Variants in LTBP1 observed in about 807,000 individuals in gnomAD.
The protein encoded by LTBP1 is latent-transforming growth factor beta-binding protein 1.
Under a neutral mutation model 207.6 loss-of-function variants are expected in LTBP1, and 129 were observed. That is an observed-to-expected ratio of 0.62 (90% CI 0.54 to 0.72). The LOEUF is 0.72. Ranked by LOEUF, LTBP1 falls within the 30% of genes least tolerant of loss-of-function variation. The pLI, the probability that LTBP1 is intolerant of heterozygous loss-of-function variation, is 0.00. For synonymous variants in LTBP1, 963 were observed against 833.7 expected (o/e 1.16, Z -2.67); for missense variants, 2,281 against 2,217.2 (o/e 1.03, Z -0.58).
chr2:33,365,302 G>A (rs769074269), intron 30 of LTBP1, 31 bp from the exon 31 acceptor site: 69 of 1,604,916 alleles, frequency 4.3e-5, no homozygotes, highest in Non-Finnish European at 5.3e-5. Flanking sequence ...ATAACTGTGC[G>A]ATTTTCATGG....
intron 2 of LTBP1, among the ~76,000 whole-genome samples, chr2:32,967,196 T>A (rs1215917770): frequency 6.6e-6 from 1 of 152,162 alleles, no homozygotes. Flanking sequence ...ATTAGTAGTT[T>A]GTGTCTTCTT....
At chr2:33,079,254 A>G (rs1354854806) in intron 3 of LTBP1, among the ~76,000 whole-genome samples, 1 of 152,206 alleles carries the variant, frequency 6.6e-6, no homozygotes, top group East Asian at 1.9e-4. Flanking sequence ...TCTAATGGAG[A>G]AAACAAATGA....
chr2:32,976,670 T>A (rs1401579355), intron 2 of LTBP1, among the ~76,000 whole-genome samples: 1 of 152,172 alleles, frequency 6.6e-6, no homozygotes. Context: ...TGCTTGCATT[T>A]CTTTTGTTAG....
chr2:33,396,623 C>T (rs1047039488), intron 32 of LTBP1, among the ~76,000 whole-genome samples: 1 of 152,174 alleles, frequency 6.6e-6, no homozygotes, highest in African/African-American at 2.4e-5. Flanking sequence ...TTGTAAGGCT[C>T]ATTCCGTAGC....
intron 5 of LTBP1, among the ~76,000 whole-genome samples, chr2:33,182,712 A>C: frequency 1.9e-5 from 2 of 104,554 alleles, no homozygotes; most frequent in Admixed American, 9.6e-5. Context: ...ACACACACAC[A>C]CACACACACA....
Position 33,072,262 on chromosome 2 carries a change from C to T in LTBP1, c.864-38320C>T, listed in dbSNP as rs561620228. Among the ~76,000 whole-genome samples, 6 of 152,292 alleles carry T rather than the reference C, an allele frequency of 3.9e-5. No individual in the cohort carries two copies. In the South Asian group the frequency reaches 1.2e-3, roughly 32 times the overall value. On this transcript the variant is annotated intron_variant, in intron 3 of 33. Transcript: ENST00000404816. ...TTTAGGGGAAGGGGCGCAGATCTTCCATGTCCTCCCGGGATGCACCACCCT... is the reference window on the plus strand; with the variant it reads ...TTTAGGGGAAGGGGCGCAGATCTTCTATGTCCTCCCGGGATGCACCACCCT...
intron 3 of LTBP1, among the ~76,000 whole-genome samples, chr2:33,052,404 C>T (rs2076789758): frequency 2.0e-5 from 3 of 152,208 alleles, no homozygotes; most frequent in Admixed American, 1.3e-4. Context: ...CATATTTAAA[C>T]ATCATCTCTG....
At chr2:33,263,239 C>A (rs771066900) in intron 14 of LTBP1, 55 bp from the exon 15 acceptor site, 1 of 1,002,996 alleles carries the variant, frequency 1.0e-6, no homozygotes, top group South Asian at 1.3e-5. Flanking sequence ...GAAATGGGAT[C>A]TCAATGCACA....
chr2:33,252,408 G>T (rs537062953), intron 10 of LTBP1, among the ~76,000 whole-genome samples: 1 of 152,142 alleles, frequency 6.6e-6, no homozygotes, highest in East Asian at 1.9e-4. Flanking sequence ...TCTTCATTAC[G>T]CACACATACC....
At chr2:33,149,866 G>GTTTA (rs2083370551) in intron 5 of LTBP1, among the ~76,000 whole-genome samples, 1 of 152,172 alleles carries the variant, frequency 6.6e-6, no homozygotes, top group African/African-American at 2.4e-5. Context: ...TTCTGAGTGT[G>GTTTA]TTTATTTGAA....
intron 3 of LTBP1, among the ~76,000 whole-genome samples, chr2:33,090,693 G>C (rs2079033195): frequency 6.6e-6 from 1 of 152,272 alleles, no homozygotes; most frequent in Non-Finnish European, 1.5e-5. Flanking sequence ...GATCTTTGCT[G>C]TCTTCAAAGG....
intron 22 of LTBP1, among the ~76,000 whole-genome samples, chr2:33,306,660 A>G (rs771399810): frequency 1.3e-5 from 2 of 151,686 alleles, no homozygotes; most frequent in Non-Finnish European, 2.9e-5. Flanking sequence ...TTTTTCTTGT[A>G]GAAATTCATA....
intron 2 of LTBP1, among the ~76,000 whole-genome samples, chr2:32,959,618 TATA>T (rs371566504): frequency 2.0e-4 from 9 of 45,114 alleles, no homozygotes; most frequent in African/African-American, 5.4e-4. Flanking sequence ...TATATATATA[TATA>T]TTTTTTTTTT....
intron 20 of LTBP1, among the ~76,000 whole-genome samples, chr2:33,296,405 G>T (rs1284196310): frequency 6.6e-6 from 1 of 152,036 alleles, no homozygotes; most frequent in East Asian, 1.9e-4. Context: ...CCAAGTACTT[G>T]TTCAAGATTA....
At chr2:32,989,071 A>G (rs1684025341) in intron 2 of LTBP1, among the ~76,000 whole-genome samples, 2 of 152,234 alleles carry the variant, frequency 1.3e-5, no homozygotes. Context: ...TGGCCTTGAA[A>G]TGATGACAAC....
intron 3 of LTBP1, chr2:33,061,321 TTA>T (rs1394174098): frequency 1.3e-5 from 2 of 152,148 alleles, no homozygotes; most frequent in African/African-American, 4.8e-5. Context: ...CAGTATTTGC[TTA>T]TAGTGTTATT....
At chr2:33,026,977 A>C (rs974688623) in intron 3 of LTBP1, among the ~76,000 whole-genome samples, 4 of 152,206 alleles carry the variant, frequency 2.6e-5, no homozygotes, top group Non-Finnish European at 5.9e-5. Context: ...CTTAACTTCC[A>C]ATGCCAGAGA....
chr2:33,130,777 C>A (rs1563184), intron 4 of LTBP1, among the ~76,000 whole-genome samples: 146,438 of 152,190 alleles, frequency 0.96, 70,490 homozygotes, highest in East Asian at 1. Context: ...GGCCCAATGG[C>A]GGTGCTGCAT....
chr2:32,949,480 G>T (rs1280131719), intron 2 of LTBP1, among the ~76,000 whole-genome samples: 2 of 152,136 alleles, frequency 1.3e-5, no homozygotes, highest in Non-Finnish European at 2.9e-5. Context: ...TGATGGATGG[G>T]GTTCTCTGCA....
Sources: allele counts gnomAD v4.1 joint callset (sites outside exome capture counted in the v4.1 genomes callset), GRCh38; gene constraint gnomAD v4.1.1; transcripts MANE v1.5; gene names NCBI Gene and HGNC (gene_info 2026-07-23, HGNC 2026-07-21).